The following WIPF2 variants were observed in gnomAD, a reference collection of about 807,000 sequenced individuals.
WIPF2 encodes WAS/WASL-interacting protein family member 2.
A neutral mutation model predicts 38.8 loss-of-function variants in WIPF2; 23 were observed. That is an observed-to-expected ratio of 0.59 (90% CI 0.43 to 0.84). The LOEUF (loss-of-function observed/expected upper bound fraction) is 0.84. Ranked by LOEUF, WIPF2 falls within the 40% of genes least tolerant of loss-of-function variation. WIPF2 has a pLI of 0.00. For synonymous variants in WIPF2, 210 were observed against 223.2 expected, an observed-to-expected ratio of 0.94 and a Z score of 0.53; for missense variants, 574 against 580.5, an observed-to-expected ratio of 0.99 and a Z score of 0.11.
In WIPF2 at chr17:40,223,885, C is replaced by T. The variant is rs1204625028; in HGVS notation, c.-70+4393C>T. Among the ~76,000 whole-genome samples the T allele has an allele frequency of 3.3e-5, 5 of 151,534 alleles. No individual in the cohort carries two copies. In the East Asian group the frequency reaches 5.9e-4, roughly 18 times the overall value. On this transcript the variant is annotated intron_variant, in intron 1 of 7. Transcript: ENST00000323571. ...CAGGCGTGAGCCACCGCGCCCGGCC[C>T]GAGAAAATTATTAAATGTTCTTTCT...
In WIPF2 at chr17:40,256,499, C is replaced by G; in HGVS notation, c.40C>G (p.Pro14Ala). 1.9e-6 allele frequency: 3 copies of G among 1,607,464 alleles called. No individual in the cohort carries two copies. The highest frequency in any genetic ancestry group is 1.7e-6 in the Non-Finnish European group (2 of 1,177,244). ...TCCCCCGCCACCCCCACCTGGTCCTCCTCCACCTCCCACATTTCATCAGGT... is the reference window on the plus strand; with the variant it reads ...TCCCCCGCCACCCCCACCTGGTCCTGCTCCACCTCCCACATTTCATCAGGT... ...PPPPPPPPGPPPPPTFHQANT... is the reference protein window; with the variant it reads ...PPPPPPPPGPAPPPTFHQANT... The change falls in exon 2 of 8, where the codon CCT (proline) becomes GCT (alanine). Residue 14 changes from proline (P) to alanine (A), a missense_variant. Physicochemically the swap from Pro to Ala is conservative, Grantham distance 27 (BLOSUM62 -1). Transcript: ENST00000323571.
In WIPF2 at chr17:40,283,501, C is replaced by A. The variant is rs2032596409; in HGVS notation, c.*5276C>A. The A allele has an allele frequency of 6.6e-6, 1 of 152,196 alleles. No individual in the cohort carries two copies. Among genetic ancestry groups the A allele is most frequent in the Admixed American group, 6.5e-5 (1 of 15,282 alleles). The allele number at this position is 152,196 out of a possible 1,614,324, so 9.4% of individuals were successfully genotyped here. Reference sequence around the variant, plus strand: ...GGCTTAAGTGATTGTCCCACCTCAGCTTCTCAAAGTGCTGGGATTACAGGC... The same window carrying A: ...GGCTTAAGTGATTGTCCCACCTCAGATTCTCAAAGTGCTGGGATTACAGGC... On this transcript the variant is annotated 3_prime_UTR_variant, in exon 8 of 8. Transcript: ENST00000323571.
rs1360477112 is a variant in WIPF2 at position 40,284,103 on chromosome 17, A to G, written c.*5878A>G. 1 of 152,230 alleles carries G rather than the reference A, an allele frequency of 6.6e-6. No homozygotes were observed. The highest frequency in any genetic ancestry group is 1.5e-5 in the Non-Finnish European group (1 of 68,032). The allele number at this position is 152,230 out of a possible 1,614,324, so 9.4% of individuals were successfully genotyped here. On this transcript the variant is annotated 3_prime_UTR_variant, in exon 8 of 8. Transcript: ENST00000323571. ...ATTATTTGACCCATCATTGTTATTA[A>G]TATGGTTAATAAACTACCTATTTAT...
At chr17:40,222,668 T>G (rs1363962673) in intron 1 of WIPF2, among the ~76,000 whole-genome samples, 19 of 94,862 alleles carry the variant, frequency 2.0e-4, no homozygotes, top group Admixed American at 6.8e-4. Flanking sequence ...TTTTTTTTTT[T>G]TTTTTTTTTT....
rs1448572331 is a variant in WIPF2, at chr17:40,219,483, CT to C, written c.-78del. On this transcript the variant is annotated 5_prime_UTR_variant, in exon 1 of 8. Transcript: ENST00000323571. Reference sequence around the variant, plus strand: ...GGCAGAGGATTCGCTCCCAGAGCAGCTGCGGCCAGGTCGGAAAGAGGCCGGG... The same window carrying C: ...GGCAGAGGATTCGCTCCCAGAGCAGCGCGGCCAGGTCGGAAAGAGGCCGGG... 1.1e-5 allele frequency: 2 copies of C among 188,892 alleles called. No individual in the cohort carries two copies. Among genetic ancestry groups the C allele is most frequent in the African/African-American group, 4.9e-5 (2 of 40,882 alleles). 11.7% of individuals were successfully genotyped at this position (188,892 alleles called of 1,614,324 possible).
At chr17:40,225,022 T>G (rs1458846669) in intron 1 of WIPF2, among the ~76,000 whole-genome samples, 2 of 151,806 alleles carry the variant, frequency 1.3e-5, no homozygotes, top group Admixed American at 1.3e-4. Context: ...CGGATTAGAG[T>G]GGATGGGGCG....
At position 40,264,580 on chromosome 17, in the gene WIPF2, A is replaced by C; in HGVS notation, c.404A>C (p.Gln135Pro). 2 of 1,614,160 alleles carry C rather than the reference A, an allele frequency of 1.2e-6. No homozygotes were observed. The highest frequency in any genetic ancestry group is 1.7e-6 in the Non-Finnish European group (2 of 1,180,032). The part of the protein sequence containing the change: ...PPVSAASGRP[Q>P]DDTDSSRASL... ...GTATCTGCCGCCAGCGGGCGTCCTC[A>C]GGATGATACAGACAGCAGCCGGGCC... Residue 135 changes from glutamine (Q) to proline (P), a missense_variant, in exon 5 of 8, where the codon CAG becomes CCG. Transcript: ENST00000323571.
intron 1 of WIPF2, among the ~76,000 whole-genome samples, chr17:40,250,217 A>ATTTT (rs1567716394): frequency 2.5e-5 from 2 of 80,298 alleles, no homozygotes; most frequent in African/African-American, 5.0e-5. Context: ...GAATTTTATC[A>ATTTT]TGTTTTTTTT....
intron 1 of WIPF2, among the ~76,000 whole-genome samples, chr17:40,236,543 C>A (rs564656254): frequency 2.0e-5 from 3 of 146,714 alleles, no homozygotes; most frequent in South Asian, 4.4e-4. Flanking sequence ...TGGCCTCAAC[C>A]GATCCTCCTG....
intron 5 of WIPF2, among the ~76,000 whole-genome samples, chr17:40,268,536 A>G (rs2032156888): frequency 6.6e-6 from 1 of 151,532 alleles, no homozygotes; most frequent in Non-Finnish European, 1.5e-5. Flanking sequence ...CCACTTTTCC[A>G]TTCTTTCTCT....
chr17:40,267,882 G>C lies in WIPF2; in HGVS notation c.970+2736G>C, dbSNP rs115105121. ...ATGGAGTCTGGGCATGATGGCTCAC[G>C]CCTTAATCCCAGCACTTTGGAAGGT... On this transcript the variant is annotated intron_variant, in intron 5 of 7. Coordinates refer to ENST00000323571, the MANE Select transcript of WIPF2 (RefSeq NM_133264.5). Among the ~76,000 whole-genome samples, 174 of 152,240 alleles carry C rather than the reference G, an allele frequency of 1.1e-3. 1 individual carries two copies. Among genetic ancestry groups the C allele is most frequent in the African/African-American group, 4.0e-3 (168 of 41,546 alleles).
chr17:40,263,276 C>T (rs1432543447), intron 4 of WIPF2, among the ~76,000 whole-genome samples: 1 of 152,020 alleles, frequency 6.6e-6, no homozygotes, highest in African/African-American at 2.4e-5. Flanking sequence ...GTTAGAGTCT[C>T]ATAAGGGGCA....
intron 3 of WIPF2, among the ~76,000 whole-genome samples, chr17:40,262,041 A>G (rs528757495): frequency 5.2e-4 from 78 of 150,156 alleles, no homozygotes; most frequent in Non-Finnish European, 8.0e-4. Flanking sequence ...TGTGGAGCAG[A>G]GAGGCCTAGC....
At chr17:40,277,032 G>GT in intron 6 of WIPF2, 51 bp from the exon 7 acceptor site, 1 of 1,510,134 alleles carries the variant, frequency 6.6e-7, no homozygotes, top group Non-Finnish European at 9.1e-7. Context: ...TCAGAGGCCT[G>GT]TGGGAGCACA....
intron 1 of WIPF2, among the ~76,000 whole-genome samples, chr17:40,233,351 TCAGA>T (rs1207875849): frequency 6.6e-6 from 1 of 152,144 alleles, no homozygotes; most frequent in Non-Finnish European, 1.5e-5. Context: ...ACATAAAGAA[TCAGA>T]CAGTACTACA....
chr17:40,262,109 CTCTG>C (rs2031929741), intron 3 of WIPF2, among the ~76,000 whole-genome samples: 2 of 137,756 alleles, frequency 1.5e-5, no homozygotes, highest in Non-Finnish European at 3.1e-5. Flanking sequence ...CAGGGTCTTG[CTCTG>C]TCTGTTGCTC....
At chr17:40,274,931 C>CA (rs777312230) in intron 6 of WIPF2, among the ~76,000 whole-genome samples, 1,791 of 44,432 alleles carry the variant, frequency 0.04, 36 homozygotes, top group African/African-American at 0.05. Flanking sequence ...GAATCTGTCT[C>CA]AAAAAAAAAA....
At chr17:40,269,935 A>G (rs772276129) in intron 5 of WIPF2, among the ~76,000 whole-genome samples, 6 of 151,950 alleles carry the variant, frequency 3.9e-5, no homozygotes, top group Non-Finnish European at 7.4e-5. Context: ...AATTTGAGAA[A>G]AATAGAAACC....
At chr17:40,231,387 A>G (rs1203368707) in intron 1 of WIPF2, among the ~76,000 whole-genome samples, 1 of 134,328 alleles carries the variant, frequency 7.4e-6, no homozygotes, top group African/African-American at 2.8e-5. Context: ...TCATCACTGG[A>G]TTTTCCTTCT....
Sources: allele counts gnomAD v4.1 joint callset (sites outside exome capture counted in the v4.1 genomes callset), GRCh38; gene constraint gnomAD v4.1.1; transcripts MANE v1.5; gene names NCBI Gene and HGNC (gene_info 2026-07-23, HGNC 2026-07-21).